Variants in KERA observed in about 807,000 individuals in gnomAD.
KERA encodes the protein keratocan, also known as keratan sulfate proteoglycan keratocan.
Under a neutral mutation model 26.4 loss-of-function variants are expected in KERA, and 25 were observed. That is an observed-to-expected ratio of 0.95 (90% CI 0.69 to 1.32). KERA has a LOEUF of 1.32. KERA is among the 40% of genes most tolerant of loss of function. KERA has a pLI of 0.00. For missense variants in KERA, 434 were observed against 408.9 expected (o/e 1.06, Z -0.53); for synonymous variants, 167 against 146.1 (o/e 1.14, Z -1.03).
At position 91,055,424 on chromosome 12, in the gene KERA, G is replaced by A. The variant is rs1378772226; in HGVS notation, c.858C>T (p.His286=). ...KVPRISAHLQ[H]LHLDHNKIKS... is the part of the protein sequence containing the mutation. ...TAATTTTGTTATGATCAAGGTGAAG[G>A]TGCTGCAGATGAGCACTGATTCGGG... The change falls in exon 2 of 3, where the codon CAC becomes CAT. Residue 286 remains histidine (H), a synonymous_variant. Transcript: ENST00000266719. 1 of 1,610,260 alleles carries A rather than the reference G, an allele frequency of 6.2e-7. No homozygotes were observed. Among genetic ancestry groups the A allele is most frequent in the African/African-American group, 1.3e-5 (1 of 74,678 alleles).
Position 91,055,538 on chromosome 12 carries a change from T to C in KERA, c.744A>G (p.Lys248=). The C allele has an allele frequency of 6.2e-7, 1 of 1,610,494 alleles. No homozygotes were observed. Among genetic ancestry groups the C allele is most frequent in the Non-Finnish European group, 8.5e-7 (1 of 1,177,750 alleles). ...KVAFLRLNHN[K]LSDEGLPSRG... is the part of the protein sequence containing the mutation. ...TTGATGGGAGACCCTCATCTGACAGTTTGTTGTGATTTAGTCTCAAAAAGG... is the reference window on the plus strand; with the variant it reads ...TTGATGGGAGACCCTCATCTGACAGCTTGTTGTGATTTAGTCTCAAAAAGG... The change falls in exon 2 of 3, where the codon AAA becomes AAG. Residue 248 remains lysine, a synonymous_variant. Coordinates refer to ENST00000266719, the MANE Select transcript of KERA (RefSeq NM_007035.4).
At chr12:91,055,311 C>G in intron 2 of KERA, 85 bp downstream of exon 2, 1 of 1,212,124 alleles carries the variant, frequency 8.2e-7, no homozygotes, top group Non-Finnish European at 1.2e-6. Context: ...GAGGGGGCAA[C>G]ACATTTGCTC....
At chr12:91,055,280 T>C (rs1878963502) in intron 2 of KERA, 116 bp downstream of exon 2, 11 of 936,648 alleles carry the variant, frequency 1.2e-5, no homozygotes, top group African/African-American at 1.7e-5. Context: ...ACACTAAAAA[T>C]CTAAAGGAAC....
intron 1 of KERA, among the ~76,000 whole-genome samples, chr12:91,056,629 A>T (rs1879011741): frequency 6.6e-6 from 1 of 151,256 alleles, no homozygotes. Context: ...GTTGAATATG[A>T]GAGTACAAAA....
At position 91,055,389 on chromosome 12, in the gene KERA, T is replaced by C. The variant is rs199875458; in HGVS notation, c.886+7A>G. ...TTAGTCAAAGACATACTCTGCAGGT[T>C]ACTTACTTTTAATTTTGTTATGATC... On this transcript the variant is annotated splice_region_variant and intron_variant, in intron 2 of 2. Transcript: ENST00000266719. 3 of 1,608,454 alleles carry C rather than the reference T, an allele frequency of 1.9e-6. No individual in the cohort carries two copies. The Admixed American group carries it at 5.0e-5, about 27-fold the overall frequency.
Position 91,055,990 on chromosome 12 carries a change from T to C in KERA, c.292A>G (p.Arg98Gly). 1 of 1,610,956 alleles carries C rather than the reference T, an allele frequency of 6.2e-7. No homozygotes were observed. ...EKPFENATQL[R>G]WINLNKNKIT... ...TTGTTCTTGTTTAGATTTATCCATC[T>C]TAGCTGGGTGGCATTCTCAAATGGC... The change falls in exon 2 of 3, where the codon AGA becomes GGA. Residue 98 changes from arginine to glycine, a missense_variant. Coordinates refer to ENST00000266719, the MANE Select transcript of KERA (RefSeq NM_007035.4).
chr12:91,057,674 C>A (rs554157481), intron 1 of KERA, 70 bp downstream of exon 1: 2 of 150,342 alleles, frequency 1.3e-5, no homozygotes, highest in South Asian at 2.1e-4. Flanking sequence ...GAAGTTGTAA[C>A]CCTGCGTCTG....
At chr12:91,056,605 A>C (rs1369314878) in intron 1 of KERA, among the ~76,000 whole-genome samples, 3 of 151,260 alleles carry the variant, frequency 2.0e-5, no homozygotes, top group African/African-American at 7.3e-5. Context: ...TAAAGAACTG[A>C]ACTGAAACCA....
rs1878861999 is a variant in KERA, at chr12:91,051,403, T to C, written c.1002A>G (p.Pro334=). The change falls in exon 3 of 3, where the codon CCA becomes CCG. Residue 334 remains proline, a synonymous_variant. Transcript: ENST00000266719. ...YLRLDGNEIK[P]PIPMALMTCF... is the part of the protein sequence containing the mutation. The stretch of plus-strand genomic sequence containing the variant: ...AGGTCATTAAAGCCATTGGAATTGG[T>C]GGTTTGATTTCATTTCCATCCAGAC... 6 of 1,611,290 alleles carry C rather than the reference T, an allele frequency of 3.7e-6. No individual in the cohort carries two copies. Among genetic ancestry groups the C allele is most frequent in the Non-Finnish European group, 5.1e-6 (6 of 1,178,120 alleles).
intron 2 of KERA, among the ~76,000 whole-genome samples, chr12:91,052,584 AT>A (rs1878894162): frequency 6.6e-6 from 1 of 151,588 alleles, no homozygotes; most frequent in Admixed American, 6.6e-5. Flanking sequence ...TTTAGTTGTT[AT>A]AAAATCAGGT....
At chr12:91,054,148 A>G (rs1437422306) in intron 2 of KERA, among the ~76,000 whole-genome samples, 1 of 151,242 alleles carries the variant, frequency 6.6e-6, no homozygotes, top group African/African-American at 2.4e-5. Flanking sequence ...TAATTCCTGG[A>G]TTGTAGACTC....
rs1357340390 is a variant in KERA at position 91,056,088 on chromosome 12, T to A, written c.194A>T (p.Glu65Val). Residue 65 changes from glutamate to valine, a missense_variant, in exon 2 of 3, where the codon GAA (glutamate) becomes GTA (valine). Physicochemically the swap from Glu to Val is moderately radical, Grantham distance 121 (BLOSUM62 -2). Transcript: ENST00000266719. ...ALYCENRGLKEIPAIPSRIWY... is the reference protein window; with the variant it reads ...ALYCENRGLKVIPAIPSRIWY... ...AATTCTTGAAGGAATAGCAGGAATTTCTTTGAGACCTCTATTTTCACAATA... is the reference window on the plus strand; with the variant it reads ...AATTCTTGAAGGAATAGCAGGAATTACTTTGAGACCTCTATTTTCACAATA... The A allele has an allele frequency of 6.2e-7, 1 of 1,608,864 alleles. No individual in the cohort carries two copies. The highest frequency in any genetic ancestry group is 8.5e-7 in the Non-Finnish European group (1 of 1,177,652).
intron 2 of KERA, among the ~76,000 whole-genome samples, chr12:91,051,777 A>G (rs2268580): frequency 0.049 from 7,490 of 151,684 alleles, 331 homozygotes; most frequent in South Asian, 0.17. Flanking sequence ...TACTGTTAAG[A>G]TCTGTGATAG....
chr12:91,055,520 G>A lies in KERA; in HGVS notation c.762C>T (p.Leu254=). The change falls in exon 2 of 3, where the codon CTC becomes CTT. Residue 254 remains leucine, a synonymous_variant. Transcript: ENST00000266719. ...LNHNKLSDEG[L]PSRGFDVSSI... is the part of the protein sequence containing the mutation. ...ATGATACATCAAATCCTCTTGATGGGAGACCCTCATCTGACAGTTTGTTGT... is the reference window on the plus strand; with the variant it reads ...ATGATACATCAAATCCTCTTGATGGAAGACCCTCATCTGACAGTTTGTTGT... 1 of 1,610,076 alleles carries A rather than the reference G, an allele frequency of 6.2e-7. No individual in the cohort carries two copies. Among genetic ancestry groups the A allele is most frequent in the African/African-American group, 1.3e-5 (1 of 74,660 alleles).
rs370227938 is a variant in KERA, at chr12:91,051,531, A to G, written c.887-13T>C. On this transcript the variant is annotated splice_polypyrimidine_tract_variant and intron_variant, in intron 2 of 2. Transcript: ENST00000266719. ...GAGACATTCACACCTACAGTGACAA[A>G]GAGAATAGATGAATGAATTGGAACA... The G allele has an allele frequency of 1.0e-4, 158 of 1,585,360 alleles. No individual in the cohort carries two copies. The highest frequency in any genetic ancestry group is 1.2e-4 in the Non-Finnish European group (141 of 1,154,768).
Position 91,056,218 on chromosome 12 carries a change from T to C in KERA, c.64A>G (p.Ser22Gly). The C allele has an allele frequency of 6.2e-7, 1 of 1,609,624 alleles. No individual in the cohort carries two copies. Among genetic ancestry groups the C allele is most frequent in the Non-Finnish European group, 8.5e-7 (1 of 1,177,126 alleles). The change falls in exon 2 of 3, where the codon AGT becomes GGT. Residue 22 changes from serine (S) to glycine (G), a missense_variant. Physicochemically the swap from Ser to Gly is moderately conservative, Grantham distance 56. Coordinates refer to ENST00000266719, the MANE Select transcript of KERA (RefSeq NM_007035.4). ...TGTACTTCATAGACCTGCCTCACAC[T>C]TCTAGACCACACAGTGTCTGTTATG... ...LFITDTVWSR[S>G]VRQVYEVHDS...
At chr12:91,055,081 C>A (rs1321254398) in intron 2 of KERA, among the ~76,000 whole-genome samples, 1 of 151,028 alleles carries the variant, frequency 6.6e-6, no homozygotes, top group Non-Finnish European at 1.5e-5. Flanking sequence ...AATAAGCCTA[C>A]CCAATGGGGC....
chr12:91,054,245 C>T (rs371467472), intron 2 of KERA, among the ~76,000 whole-genome samples: 4 of 151,356 alleles, frequency 2.6e-5, no homozygotes, highest in African/African-American at 7.3e-5. Flanking sequence ...TAGTCTGTTC[C>T]TATAAATGAT....
Position 91,055,525 on chromosome 12 carries a change from C to G in KERA, c.757G>C (p.Gly253Arg). 1 of 1,609,946 alleles carries G rather than the reference C, an allele frequency of 6.2e-7. No individual in the cohort carries two copies. The highest frequency in any genetic ancestry group is 8.5e-7 in the Non-Finnish European group (1 of 1,177,530). The change falls in exon 2 of 3, where the codon GGT becomes CGT. Residue 253 changes from glycine (G) to arginine (R), a missense_variant. By Grantham distance (125) the Gly-to-Arg change is moderately radical. Transcript: ENST00000266719. ...RLNHNKLSDE[G>R]LPSRGFDVSS... Reference sequence around the variant, plus strand: ...ACATCAAATCCTCTTGATGGGAGACCCTCATCTGACAGTTTGTTGTGATTT... The same window carrying G: ...ACATCAAATCCTCTTGATGGGAGACGCTCATCTGACAGTTTGTTGTGATTT...
Sources: gnomAD v4.1 joint callset for allele counts (sites outside exome capture counted in the v4.1 genomes callset) on GRCh38, gnomAD v4.1.1 for gene constraint, MANE v1.5 for transcripts, NCBI Gene and HGNC (gene_info 2026-07-23, HGNC 2026-07-21) for gene names.